The following TPRG1 variants were observed in gnomAD, a reference collection of about 807,000 sequenced individuals.
TPRG1 encodes the protein tumor protein p63 regulated 1, also known as tumor protein p63-regulated gene 1 protein.
Under a neutral mutation model 29.3 loss-of-function variants are expected in TPRG1, and 29 were observed. That is an observed-to-expected ratio of 0.99 (90% confidence interval 0.74 to 1.35). The LOEUF (loss-of-function observed/expected upper bound fraction) is 1.35. Among genes scored for constraint, TPRG1 ranks in the 40% most tolerant of loss-of-function variants. TPRG1 has a pLI of 0.00. For synonymous variants in TPRG1, 130 were observed against 116.8 expected, an observed-to-expected ratio of 1.11 and a Z score of -0.73; for missense variants, 327 against 335.0, an observed-to-expected ratio of 0.98 and a Z score of 0.19.
At chr3:189,298,340 G>A (rs1031256771) in intron 4 of TPRG1, among the ~76,000 whole-genome samples, 2 of 152,194 alleles carry the variant, frequency 1.3e-5, no homozygotes, top group Non-Finnish European at 2.9e-5. Flanking sequence ...GCAGGGTTCT[G>A]TTAAAGAAAT....
chr3:189,315,561 A>G (rs1723376533), intron 5 of TPRG1: 1 of 452,046 alleles, frequency 2.2e-6, no homozygotes, highest in Admixed American at 2.4e-5. Flanking sequence ...TGAACGCATT[A>G]TGTGTGCCCT....
At chr3:189,052,773 C>T (rs892136818) in intron 4 of TPRG1, among the ~76,000 whole-genome samples, 9 of 152,158 alleles carry the variant, frequency 5.9e-5, no homozygotes, top group Non-Finnish European at 1.3e-4. Context: ...AATGAATTAA[C>T]AGCATTTGCA....
intron 3 of TPRG1, among the ~76,000 whole-genome samples, chr3:189,132,888 TG>T (rs1723257850): frequency 6.6e-6 from 1 of 152,218 alleles, no homozygotes; most frequent in Non-Finnish European, 1.5e-5. Context: ...GGAAGAGACT[TG>T]TTTCCAGGCA....
intron 4 of TPRG1, among the ~76,000 whole-genome samples, chr3:189,044,269 A>G (rs1371381851): frequency 6.6e-6 from 1 of 152,110 alleles, no homozygotes; most frequent in African/African-American, 2.4e-5. Context: ...AGAAAAAAAA[A>G]TGTGGCCGGG....
chr3:189,265,363 T>A (rs1383390579), intron 4 of TPRG1, among the ~76,000 whole-genome samples: 1 of 152,204 alleles, frequency 6.6e-6, no homozygotes, highest in Non-Finnish European at 1.5e-5. Context: ...TTTACAGGCA[T>A]GAATTTAAAA....
At position 189,140,545 on chromosome 3, in the gene TPRG1, A is replaced by G. The variant is rs1012480543; in HGVS notation, c.-290-7039A>G. Among the ~76,000 whole-genome samples, 10 of 152,252 alleles carry G rather than the reference A, an allele frequency of 6.6e-5. No individual in the cohort carries two copies. In the South Asian group the frequency reaches 1.5e-3, roughly 22 times the overall value. On this transcript the variant is annotated intron_variant, in intron 3 of 6. Transcript: ENST00000412373. Reference sequence around the variant, plus strand: ...ATGCTTAAATACCTCCTACAATGTTACCACTATTATTCTCCTTCTCTTGTC... The same window carrying G: ...ATGCTTAAATACCTCCTACAATGTTGCCACTATTATTCTCCTTCTCTTGTC...
chr3:189,212,123 C>T (rs951659732), intron 2 of TPRG1: 6 of 152,020 alleles, frequency 3.9e-5, no homozygotes, highest in Non-Finnish European at 7.4e-5. Context: ...TTTGCAGATA[C>T]CTTATCAGAA....
chr3:189,158,467 G>A (rs1277392319), intron 5 of TPRG1, among the ~76,000 whole-genome samples: 1 of 152,020 alleles, frequency 6.6e-6, no homozygotes. Context: ...AAATTCGCCA[G>A]GCGTGGTGGC....
intron 3 of TPRG1, among the ~76,000 whole-genome samples, chr3:189,006,653 G>C (rs558035674): frequency 1.3e-5 from 2 of 152,166 alleles, no homozygotes; most frequent in East Asian, 1.9e-4. Context: ...GCTACATATG[G>C]ATTGAGAAAC....
intron 4 of TPRG1, among the ~76,000 whole-genome samples, chr3:189,046,451 T>C (rs16863921): frequency 0.15 from 23,190 of 152,112 alleles, 3,721 homozygotes; most frequent in African/African-American, 0.41. Context: ...CTTTGGGCAG[T>C]ATCTAGGAAA....
At chr3:189,113,215 T>C (rs1330024130) in intron 1 of TPRG1, among the ~76,000 whole-genome samples, 9 of 152,214 alleles carry the variant, frequency 5.9e-5, no homozygotes, top group Admixed American at 1.3e-4. Context: ...GTGATTTTTG[T>C]ACATTGATTT....
intron 2 of TPRG1, among the ~76,000 whole-genome samples, chr3:189,211,226 CTATAATTTA>C (rs1735212816): frequency 6.6e-6 from 1 of 152,058 alleles, no homozygotes; most frequent in Non-Finnish European, 1.5e-5. Flanking sequence ...TGGGAATATA[CTATAATTTA>C]TTTAACTTTT....
At chr3:189,165,492 C>T (rs1268270224) in intron 5 of TPRG1, among the ~76,000 whole-genome samples, 2 of 146,638 alleles carry the variant, frequency 1.4e-5, no homozygotes, top group Non-Finnish European at 3.0e-5. Flanking sequence ...TCTAGGCCTA[C>T]CCCCAGAGAT....
At chr3:189,040,621 T>C (rs1714571362) in intron 4 of TPRG1, among the ~76,000 whole-genome samples, 1 of 152,132 alleles carries the variant, frequency 6.6e-6, no homozygotes, top group South Asian at 2.1e-4. Context: ...TGCCCCCTGA[T>C]ACTGGTGCTA....
rs115323862 is a variant in TPRG1 at position 189,033,230 on chromosome 3, A to T, written c.-463+9284A>T. 3.2e-3 allele frequency among the ~76,000 whole-genome samples: 482 copies of T among 152,238 alleles called. 1 individual carries two copies. Among genetic ancestry groups the T allele is most frequent in the African/African-American group, 0.011 (469 of 41,552 alleles). ...AGCCAGGTTCTCTATTACTACAGAA[A>T]AAAAGGAGATTGGCTATTGAGAACA... On this transcript the variant is annotated intron_variant, in intron 4 of 10. Transcript: ENST00000433971.
At chr3:189,113,514 T>A (rs1420715734) in intron 1 of TPRG1, among the ~76,000 whole-genome samples, 1 of 152,172 alleles carries the variant, frequency 6.6e-6, no homozygotes, top group Non-Finnish European at 1.5e-5. Flanking sequence ...GCTGTGGGTT[T>A]GTCATAGATA....
Position 189,318,410 on chromosome 3 carries a change from G to A in TPRG1, c.634-2216G>A, listed in dbSNP as rs573193414. Among the ~76,000 whole-genome samples the A allele has an allele frequency of 6.0e-4, 91 of 152,246 alleles. 1 individual carries two copies. Among genetic ancestry groups the A allele is most frequent in the African/African-American group, 2.1e-3 (88 of 41,548 alleles). ...ACTTTTCCCTTGAGTTTGTGGGAAG[G>A]CATTGTGGAAGATACAGGATTTAAG... is the stretch of plus-strand genomic sequence containing the variant. On this transcript the variant is annotated intron_variant, in intron 5 of 5. Coordinates refer to ENST00000345063, the MANE Select transcript of TPRG1 (RefSeq NM_198485.4).
intron 3 of TPRG1, among the ~76,000 whole-genome samples, chr3:189,145,773 G>A (rs1167502777): frequency 6.6e-6 from 1 of 152,192 alleles, no homozygotes; most frequent in Non-Finnish European, 1.5e-5. Flanking sequence ...AGATATGCGT[G>A]GAGATGATAT....
At chr3:189,064,479 GA>G (rs1027369965) in intron 4 of TPRG1, among the ~76,000 whole-genome samples, 3 of 151,622 alleles carry the variant, frequency 2.0e-5, no homozygotes, top group East Asian at 1.9e-4. Context: ...CAAAAGATTA[GA>G]AAAAAAGCAA....
Sources: allele counts gnomAD v4.1 joint callset (sites outside exome capture counted in the v4.1 genomes callset), GRCh38; gene constraint gnomAD v4.1.1; transcripts MANE v1.5; gene names NCBI Gene and HGNC (gene_info 2026-07-23, HGNC 2026-07-21).